ARHGAP24: variants seen among roughly 807,000 people sequenced by gnomAD.
The protein encoded by ARHGAP24 is Rho GTPase activating protein 24.
In ARHGAP24, 50 loss-of-function variants were observed where a neutral mutation model predicts 76.4. That is an observed-to-expected ratio of 0.65 (90% confidence interval 0.52 to 0.83). The LOEUF is 0.83. Ranked by LOEUF, ARHGAP24 falls within the 40% of genes least tolerant of loss-of-function variation. ARHGAP24 has a pLI of 0.00. For synonymous variants in ARHGAP24, 345 were observed against 323.3 expected (o/e 1.07, Z -0.72); for missense variants, 930 against 914.2 (o/e 1.02, Z -0.22).
rs539544566 is a variant in ARHGAP24, at chr4:85,943,364, C to A, written c.599+1091C>A. Among the ~76,000 whole-genome samples, 20 of 152,186 alleles carry A rather than the reference C, an allele frequency of 1.3e-4. No individual in the cohort carries two copies. The East Asian group carries it at 3.7e-3, about 28-fold the overall frequency. On this transcript the variant is annotated intron_variant, in intron 5 of 9. Coordinates refer to ENST00000395184, the MANE Select transcript of ARHGAP24 (RefSeq NM_001025616.3). ...ATAACAGTCAAGGCACTGGCAAATC[C>A]GTGTCTGATGAGGACTTGATCTCAG...
At chr4:85,605,355 C>T (rs1720159966) in intron 2 of ARHGAP24, among the ~76,000 whole-genome samples, 1 of 152,018 alleles carries the variant, frequency 6.6e-6, no homozygotes, top group Non-Finnish European at 1.5e-5. Flanking sequence ...CACAATGTAC[C>T]TCAAAACTCA....
intron 3 of ARHGAP24, among the ~76,000 whole-genome samples, chr4:85,840,297 T>C (rs1293871813): frequency 2.6e-5 from 4 of 152,204 alleles, no homozygotes; most frequent in South Asian, 2.1e-4. Context: ...AGAAAACTTA[T>C]GCCAAGTTCA....
At chr4:85,522,417 T>C (rs965719499) in intron 1 of ARHGAP24, among the ~76,000 whole-genome samples, 1 of 152,148 alleles carries the variant, frequency 6.6e-6, no homozygotes, top group Non-Finnish European at 1.5e-5. Flanking sequence ...CATAACATAC[T>C]CTCCACACAT....
rs1383769084 is a variant in ARHGAP24 at position 85,755,634 on chromosome 4, T to TTTG, written c.268+33663_268+33664insTGT. Among the ~76,000 whole-genome samples, 4 of 72,028 alleles carry TTTG rather than the reference T, an allele frequency of 5.6e-5. No homozygotes were observed. The East Asian group carries it at 1.7e-3, about 31-fold the overall frequency. 47.3% of individuals were successfully genotyped at this position (72,028 alleles called of 152,430 possible). A position where few individuals can be genotyped will look rare whatever the true frequency, so the allele number is the denominator to read the frequency against. The stretch of plus-strand genomic sequence containing the variant: ...GAAGCTTCTATTCTTTTGTTTTGTT[T>TTTG]TGTTTTGTTTTGTTTTGAGACGGAG... On this transcript the variant is annotated intron_variant, in intron 3 of 9. Coordinates refer to ENST00000395184, the MANE Select transcript of ARHGAP24 (RefSeq NM_001025616.3).
At chr4:85,566,647 C>T (rs561022398) in intron 1 of ARHGAP24, among the ~76,000 whole-genome samples, 2 of 152,284 alleles carry the variant, frequency 1.3e-5, no homozygotes, top group South Asian at 4.1e-4. Flanking sequence ...ACCAGGTAAG[C>T]ACTATTAAAG....
chr4:85,700,228 C>G (rs935180416), intron 2 of ARHGAP24, among the ~76,000 whole-genome samples: 3 of 151,842 alleles, frequency 2.0e-5, no homozygotes, highest in African/African-American at 7.3e-5. Flanking sequence ...AACCCCATCT[C>G]TACTAAAAAT....
rs115837816 is a variant in ARHGAP24 at position 85,745,805 on chromosome 4, G to T, written c.268+23833G>T. The stretch of plus-strand genomic sequence containing the variant: ...GCTAAATAAAGTCCTGGAGAAGTTT[G>T]TTGGAGGGAAAATTTCTATTACGTG... On this transcript the variant is annotated intron_variant, in intron 3 of 9. Transcript: ENST00000395184. Among the ~76,000 whole-genome samples, 421 of 152,224 alleles carry T rather than the reference G, an allele frequency of 2.8e-3. 2 individuals are homozygous for T. The highest frequency in any genetic ancestry group is 9.7e-3 in the African/African-American group (403 of 41,538).
intron 2 of ARHGAP24, among the ~76,000 whole-genome samples, chr4:85,685,546 T>A (rs1723386472): frequency 6.6e-6 from 1 of 150,704 alleles, no homozygotes; most frequent in East Asian, 1.9e-4. Flanking sequence ...GGCAGGAGAA[T>A]GGCGTGAACC....
At chr4:85,977,382 T>C (rs1057006972) in intron 7 of ARHGAP24, among the ~76,000 whole-genome samples, 188 bp from the exon 8 acceptor site, 35 of 152,214 alleles carry the variant, frequency 2.3e-4, no homozygotes, top group African/African-American at 8.4e-4. Context: ...TAAATAAAGT[T>C]TGATCCTTTC....
intron 2 of ARHGAP24, among the ~76,000 whole-genome samples, chr4:85,578,571 A>G (rs1407289888): frequency 2.6e-5 from 4 of 152,172 alleles, no homozygotes; most frequent in Admixed American, 6.5e-5. Context: ...TAGACTCACT[A>G]CCAGCTATAG....
chr4:85,936,360 G>A (rs1481888767), intron 4 of ARHGAP24, among the ~76,000 whole-genome samples: 1 of 151,940 alleles, frequency 6.6e-6, no homozygotes, highest in African/African-American at 2.4e-5. Flanking sequence ...AATGTTTATG[G>A]AGCATCTGTG....
At chr4:85,940,885 C>T (rs1284182751) in intron 4 of ARHGAP24, among the ~76,000 whole-genome samples, 2 of 152,008 alleles carry the variant, frequency 1.3e-5, no homozygotes, top group African/African-American at 2.4e-5. Context: ...GGTAACAATT[C>T]GTTATTGCTT....
intron 8 of ARHGAP24, among the ~76,000 whole-genome samples, chr4:85,989,505 G>T (rs1225955017): frequency 6.6e-6 from 1 of 151,656 alleles, no homozygotes; most frequent in Non-Finnish European, 1.5e-5. Context: ...CAGAAAAAAA[G>T]AAGTAGAGGG....
chr4:85,869,080 A>G lies in ARHGAP24; in HGVS notation c.269-54568A>G, dbSNP rs544105198. 3.3e-5 allele frequency among the ~76,000 whole-genome samples: 5 copies of G among 152,224 alleles called. No individual in the cohort carries two copies. In the East Asian group the frequency reaches 9.7e-4, roughly 29 times the overall value. The stretch of plus-strand genomic sequence containing the variant: ...GCTGCCTAAAAATGATTCCTTACCA[A>G]TGCAATTGGCCCCTCCCAATCTCTT... On this transcript the variant is annotated intron_variant, in intron 3 of 9. Transcript: ENST00000395184.
At chr4:85,506,041 A>G (rs376560630) in intron 1 of ARHGAP24, among the ~76,000 whole-genome samples, 1 of 152,134 alleles carries the variant, frequency 6.6e-6, no homozygotes, top group East Asian at 1.9e-4. Flanking sequence ...TTGCCTGGGT[A>G]TCATCAGTGG....
At chr4:85,678,942 C>T (rs888849167) in intron 2 of ARHGAP24, among the ~76,000 whole-genome samples, 5 of 152,098 alleles carry the variant, frequency 3.3e-5, no homozygotes, top group Non-Finnish European at 7.4e-5. Context: ...TGAAGGTTTG[C>T]TAAAAGAAAT....
rs577326103 is a variant in ARHGAP24 at position 85,724,661 on chromosome 4, T to A, written c.268+2689T>A. Among the ~76,000 whole-genome samples, 3 of 152,178 alleles carry A rather than the reference T, an allele frequency of 2.0e-5. No individual in the cohort carries two copies. The South Asian group carries it at 6.2e-4, about 32-fold the overall frequency. ...TCTCAGGTCTTTGTGTATTACTTAT[T>A]TATATTTGTTTACAAATTATATTTG... On this transcript the variant is annotated intron_variant, in intron 3 of 9. Coordinates refer to ENST00000395184, the MANE Select transcript of ARHGAP24 (RefSeq NM_001025616.3).
chr4:85,782,995 C>A (rs898502891), intron 3 of ARHGAP24, among the ~76,000 whole-genome samples: 1 of 152,072 alleles, frequency 6.6e-6, no homozygotes, highest in Admixed American at 6.5e-5. Flanking sequence ...ACTTAGTATA[C>A]TGCTGAATCA....
chr4:85,993,008 G>A (rs1451313961), intron 8 of ARHGAP24, among the ~76,000 whole-genome samples: 1 of 151,894 alleles, frequency 6.6e-6, no homozygotes, highest in Non-Finnish European at 1.5e-5. Flanking sequence ...TCGTCTCTGT[G>A]CCCTGAGCAA....
Sources: gnomAD v4.1 joint callset for allele counts (sites outside exome capture counted in the v4.1 genomes callset) on GRCh38, gnomAD v4.1.1 for gene constraint, MANE v1.5 for transcripts, NCBI Gene and HGNC (gene_info 2026-07-23, HGNC 2026-07-21) for gene names.